The following CHLSN variants were observed in gnomAD, a reference collection of about 807,000 sequenced individuals.
CHLSN encodes cholesin.
At chr7:1,090,585 G>A in the CHLSN span, among the ~76,000 whole-genome samples, 1 of 149,046 alleles carries the variant, frequency 6.7e-6, no homozygotes, top group South Asian at 2.1e-4. Context: ...CGGGTGACGG[G>A]ACCTCTCCAC....
the CHLSN span, among the ~76,000 whole-genome samples, chr7:1,132,296 C>G: frequency 6.6e-6 from 1 of 152,136 alleles, no homozygotes; most frequent in Admixed American, 6.6e-5. Flanking sequence ...GCCTGTAATC[C>G]CAGCACTTTG....
the CHLSN span, among the ~76,000 whole-genome samples, chr7:1,054,477 G>A: frequency 4.6e-5 from 7 of 152,348 alleles, no homozygotes; most frequent in East Asian, 1.9e-4. Flanking sequence ...GTGACAGCAC[G>A]CACTCGAGAG....
chr7:1,010,557 G>A, the CHLSN span, among the ~76,000 whole-genome samples: 8 of 152,166 alleles, frequency 5.3e-5, no homozygotes, highest in Admixed American at 3.3e-4. Flanking sequence ...CCCCAGACCC[G>A]ACCCAAATCC....
chr7:994,352 G>A, the CHLSN span, among the ~76,000 whole-genome samples: 1 of 151,936 alleles, frequency 6.6e-6, no homozygotes, highest in African/African-American at 2.4e-5. Context: ...GTAGAGATGG[G>A]CTTTCACCAG....
At chr7:999,673 C>T in the CHLSN span, among the ~76,000 whole-genome samples, 5 of 152,234 alleles carry the variant, frequency 3.3e-5, no homozygotes, top group African/African-American at 4.8e-5. Flanking sequence ...GGGCCTGCCC[C>T]GCTCTGAGAG....
At chr7:979,560 T>C in the CHLSN span, among the ~76,000 whole-genome samples, 1 of 152,122 alleles carries the variant, frequency 6.6e-6, no homozygotes, top group Non-Finnish European at 1.5e-5. Context: ...AAGACCAGCC[T>C]GGCCAACATG....
the CHLSN span, among the ~76,000 whole-genome samples, chr7:1,116,802 T>C: frequency 1.7e-5 from 1 of 59,196 alleles, no homozygotes; most frequent in Admixed American, 1.7e-4. Flanking sequence ...ATGACATCAC[T>C]ACAGATCTAG....
the CHLSN span, among the ~76,000 whole-genome samples, chr7:1,120,639 A>C: frequency 2.0e-5 from 3 of 152,216 alleles, no homozygotes; most frequent in Non-Finnish European, 2.9e-5. Flanking sequence ...AGGATCCAGC[A>C]ATTCCGGTCC....
At chr7:1,072,331 G>A in the CHLSN span, among the ~76,000 whole-genome samples, 1 of 152,312 alleles carries the variant, frequency 6.6e-6, no homozygotes, top group Non-Finnish European at 1.5e-5. Context: ...CGACTGCAGC[G>A]AAGCTCATGA....
the CHLSN span, among the ~76,000 whole-genome samples, chr7:1,022,616 G>A: frequency 2.6e-5 from 4 of 152,118 alleles, no homozygotes; most frequent in South Asian, 6.2e-4. Flanking sequence ...ATTCGGATCC[G>A]GACTCTGAAA....
the CHLSN span, among the ~76,000 whole-genome samples, chr7:1,103,113 C>A: frequency 2.0e-5 from 3 of 152,248 alleles, no homozygotes; most frequent in Non-Finnish European, 4.4e-5. Flanking sequence ...TCCCTGGCAG[C>A]CCCGTCCGGG....
chr7:1,018,557 G>A, the CHLSN span, among the ~76,000 whole-genome samples: 18,634 of 151,728 alleles, frequency 0.12, 1,276 homozygotes, highest in Middle Eastern at 0.21. Flanking sequence ...GCAGGCACCT[G>A]GCGTGGGCTC....
chr7:1,035,469 G>A, the CHLSN span, among the ~76,000 whole-genome samples: 7 of 152,348 alleles, frequency 4.6e-5, no homozygotes, highest in South Asian at 6.2e-4. Flanking sequence ...CTGGAACAAC[G>A]GGATGTCCAC....
At chr7:1,002,774 G>T in the CHLSN span, among the ~76,000 whole-genome samples, 1 of 98,662 alleles carries the variant, frequency 1.0e-5, no homozygotes, top group Admixed American at 9.0e-5. Context: ...GAGTCCTTGG[G>T]TGAGTGGAGT....
At chr7:1,034,651 GGTTT>G in the CHLSN span, among the ~76,000 whole-genome samples, 1 of 152,138 alleles carries the variant, frequency 6.6e-6, no homozygotes, top group African/African-American at 2.4e-5. Context: ...TGCCTGTGCA[GGTTT>G]GTTATACAGG....
At chr7:1,050,374 C>T in the CHLSN span, among the ~76,000 whole-genome samples, 4 of 152,260 alleles carry the variant, frequency 2.6e-5, no homozygotes, top group Admixed American at 6.5e-5. Context: ...GCGGCGGGCA[C>T]ATCCATGGAC....
chr7:1,022,956 G>A, the CHLSN span: 6 of 470,180 alleles, frequency 1.3e-5, no homozygotes, highest in South Asian at 6.1e-5. Flanking sequence ...GGCAGGCGCC[G>A]GCTCTGTCGT....
the CHLSN span, among the ~76,000 whole-genome samples, chr7:1,110,824 A>G: frequency 6.6e-6 from 1 of 152,070 alleles, no homozygotes; most frequent in South Asian, 2.1e-4. Context: ...AAAAAAAAAA[A>G]GCAAAAACCA....
the CHLSN span, among the ~76,000 whole-genome samples, chr7:1,118,682 C>G: frequency 1.3e-5 from 2 of 151,032 alleles, no homozygotes; most frequent in Non-Finnish European, 2.9e-5. Flanking sequence ...TTCTTATGGC[C>G]GGGAAAGGTG....
Sources: allele counts gnomAD v4.1 joint callset (sites outside exome capture counted in the v4.1 genomes callset), GRCh38; gene constraint gnomAD v4.1.1; transcripts MANE v1.5; gene names NCBI Gene and HGNC (gene_info 2026-07-23, HGNC 2026-07-21).